The following EHF variants were observed in gnomAD, a reference collection of about 807,000 sequenced individuals.
The protein encoded by EHF is ESE3 transcription factor.
Under a neutral mutation model 45.1 loss-of-function variants are expected in EHF, and 14 were observed. That is an observed-to-expected ratio of 0.31 (90% CI 0.21 to 0.49). EHF has a LOEUF of 0.49. Among genes scored for constraint, EHF ranks in the 20% least tolerant of loss-of-function variants. The probability of loss-of-function intolerance (pLI) is 0.99; values close to 1 mark genes in which losing one functional copy is unlikely to be tolerated. For synonymous variants in EHF, 136 were observed against 131.8 expected (o/e 1.03, Z -0.22); for missense variants, 282 against 371.4 (o/e 0.76, Z 1.98).
chr11:34,649,741 C>T (rs960060258), intron 4 of EHF, among the ~76,000 whole-genome samples: 6 of 152,190 alleles, frequency 3.9e-5, no homozygotes, highest in Non-Finnish European at 5.9e-5. Flanking sequence ...CATGAGCCAT[C>T]ATAAAACTGT....
chr11:34,628,497 C>T (rs565912099), intron 1 of EHF, among the ~76,000 whole-genome samples: 2 of 152,174 alleles, frequency 1.3e-5, no homozygotes, highest in African/African-American at 2.4e-5. Flanking sequence ...ACACGACTAA[C>T]GAAATGACTT....
At chr11:34,641,557 A>C (rs1303916199) in intron 1 of EHF, among the ~76,000 whole-genome samples, 3 of 151,938 alleles carry the variant, frequency 2.0e-5, no homozygotes, top group African/African-American at 4.8e-5. Context: ...ACAAGCAGAA[A>C]ATTTTCCATG....
At chr11:34,630,738 G>T (rs926980548) in intron 1 of EHF, among the ~76,000 whole-genome samples, 1 of 151,950 alleles carries the variant, frequency 6.6e-6, no homozygotes, top group African/African-American at 2.4e-5. Flanking sequence ...TGCCCGATTT[G>T]GTTCTAAGCA....
chr11:34,636,482 C>T (rs1010207676), intron 1 of EHF, among the ~76,000 whole-genome samples: 1 of 152,196 alleles, frequency 6.6e-6, no homozygotes, highest in Non-Finnish European at 1.5e-5. Flanking sequence ...ATGGGCAGAC[C>T]CTCTAATAAG....
At chr11:34,642,771 G>A (rs12721520) in intron 2 of EHF, 44 bp downstream of exon 2, 1 of 1,402,700 alleles carries the variant, frequency 7.1e-7, no homozygotes, top group African/African-American at 1.4e-5. Flanking sequence ...GTGCTGTGTG[G>A]GCTCTTTGCT....
At position 34,646,535 on chromosome 11, in the gene EHF, C is replaced by T; in HGVS notation, c.194C>T (p.Thr65Ile). Residue 65 changes from threonine to isoleucine, a missense_variant, in exon 3 of 9, where the codon ACC (threonine) becomes ATC (isoleucine). Around this residue, in one of 3 missense-constraint regions of EHF, gnomAD observed 213 missense variants for 247.3 expected, o/e 0.86. Transcript: ENST00000257831. ...GAGTGGCTCCAGCACCTCCTGGACA[C>T]CAACCAGCTGGATGCCAATTGTATC... Reference protein sequence around the residue: ...VWEWLQHLLDTNQLDANCIPF... With the variant: ...VWEWLQHLLDINQLDANCIPF... The T allele has an allele frequency of 6.2e-7, 1 of 1,613,896 alleles. No homozygotes were observed. The highest frequency in any genetic ancestry group is 1.7e-5 in the Admixed American group (1 of 59,998).
At chr11:34,648,334 T>A (rs1159892364) in intron 3 of EHF, among the ~76,000 whole-genome samples, 3 of 150,020 alleles carry the variant, frequency 2.0e-5, no homozygotes, top group Admixed American at 2.0e-4. Context: ...ACTAGATTCA[T>A]ATGCATTTAC....
At chr11:34,644,308 A>G (rs1854304621) in intron 2 of EHF, among the ~76,000 whole-genome samples, 1 of 152,254 alleles carries the variant, frequency 6.6e-6, no homozygotes, top group Non-Finnish European at 1.5e-5. Flanking sequence ...GGGAGCCACA[A>G]AATATATATC....
chr11:34,650,653 G>A (rs1337077128), intron 4 of EHF, among the ~76,000 whole-genome samples: 1 of 152,202 alleles, frequency 6.6e-6, no homozygotes, highest in Admixed American at 6.5e-5. Context: ...AGGACGAGGT[G>A]AGAGATCTTA....
intron 1 of EHF, among the ~76,000 whole-genome samples, chr11:34,623,897 A>G (rs1160300714): frequency 1.3e-5 from 2 of 152,206 alleles, no homozygotes; most frequent in African/African-American, 2.4e-5. Context: ...AAACACAGAC[A>G]TAGAAGCTTG....
At chr11:34,643,402 A>G (rs1355192570) in intron 2 of EHF, among the ~76,000 whole-genome samples, 1 of 152,184 alleles carries the variant, frequency 6.6e-6, no homozygotes, top group Non-Finnish European at 1.5e-5. Context: ...AGAGCTCTCC[A>G]GTTTAGGCAT....
intron 4 of EHF, among the ~76,000 whole-genome samples, chr11:34,650,770 C>T (rs1280192042): frequency 6.6e-6 from 1 of 152,092 alleles, no homozygotes; most frequent in Admixed American, 6.5e-5. Context: ...GGGGAGTTCC[C>T]TTTGAATCTG....
intron 1 of EHF, among the ~76,000 whole-genome samples, chr11:34,637,604 A>G (rs1853569662): frequency 6.6e-6 from 1 of 152,212 alleles, no homozygotes; most frequent in African/African-American, 2.4e-5. Flanking sequence ...CTTGCTGCCT[A>G]AGGCTAAATA....
At chr11:34,629,472 A>G (rs1852675782) in intron 1 of EHF, among the ~76,000 whole-genome samples, 1 of 152,228 alleles carries the variant, frequency 6.6e-6, no homozygotes, top group Non-Finnish European at 1.5e-5. Context: ...GATTATCTCT[A>G]TAAAAGGAAA....
chr11:34,658,419 T>A, intron 7 of EHF, 114 bp from the exon 8 acceptor site: 1 of 822,620 alleles, frequency 1.2e-6, no homozygotes, highest in South Asian at 1.9e-5. Flanking sequence ...CCCTGACAAG[T>A]AGGGGAGAAA....
intron 4 of EHF, 116 bp from the exon 5 acceptor site, chr11:34,651,426 C>G (rs1855151858): frequency 1.3e-6 from 1 of 785,342 alleles, no homozygotes; most frequent in Non-Finnish European, 2.2e-6. Context: ...TCCCTTGTCT[C>G]TGAGGACCAC....
intron 1 of EHF, among the ~76,000 whole-genome samples, chr11:34,634,148 G>T (rs768981241): frequency 8.5e-5 from 13 of 152,158 alleles, no homozygotes; most frequent in Non-Finnish European, 2.9e-5. Flanking sequence ...AAACACAAAT[G>T]ATTGTATGTA....
At chr11:34,643,954 T>G (rs1019218991) in intron 2 of EHF, among the ~76,000 whole-genome samples, 2 of 152,134 alleles carry the variant, frequency 1.3e-5, no homozygotes, top group African/African-American at 4.8e-5. Flanking sequence ...AAGCTCAGCC[T>G]TGATTGAGAC....
chr11:34,658,446 G>T (rs758864501), intron 7 of EHF, 87 bp from the exon 8 acceptor site: 22 of 1,130,842 alleles, frequency 1.9e-5, no homozygotes, highest in Non-Finnish European at 2.7e-5. Context: ...TCTCCTACTT[G>T]CAGGAAGATG....
Sources: gnomAD v4.1 joint callset for allele counts (sites outside exome capture counted in the v4.1 genomes callset) on GRCh38, gnomAD v4.1.1 for gene constraint, gnomAD v4.1.1 regional missense constraint, MANE v1.5 for transcripts, NCBI Gene and HGNC (gene_info 2026-07-23, HGNC 2026-07-21) for gene names.